The following NXPE1 variants were observed in gnomAD, a reference collection of about 807,000 sequenced individuals.
The protein encoded by NXPE1 is NXPE family member 1.
A neutral mutation model predicts 33.3 loss-of-function variants in NXPE1; 31 were observed. That is an observed-to-expected ratio of 0.93 (90% CI 0.70 to 1.26). NXPE1 has a LOEUF of 1.26. NXPE1 is among the 50% of genes most tolerant of loss of function. NXPE1 has a pLI of 0.00. For missense variants in NXPE1, 661 were observed against 655.6 expected, an observed-to-expected ratio of 1.01 and a Z score of -0.09; for synonymous variants, 229 against 231.4, an observed-to-expected ratio of 0.99 and a Z score of 0.09.
chr11:114,530,006 T>C, intron 6 of NXPE1, 169 bp downstream of exon 6: 1 of 625,300 alleles, frequency 1.6e-6, no homozygotes, highest in Non-Finnish European at 2.7e-6. Flanking sequence ...ATAGTGAAAA[T>C]GCAAACTTTG....
chr11:114,528,465 C>T (rs1239520014), intron 6 of NXPE1, among the ~76,000 whole-genome samples: 2 of 152,164 alleles, frequency 1.3e-5, no homozygotes, highest in South Asian at 2.1e-4. Flanking sequence ...TCCACATTTC[C>T]TGCTATGATT....
chr11:114,525,169 A>G (rs1947331157), intron 7 of NXPE1, among the ~76,000 whole-genome samples: 1 of 151,858 alleles, frequency 6.6e-6, no homozygotes, highest in African/African-American at 2.4e-5. Flanking sequence ...TCTGCTTGTA[A>G]GTCCCTACTA....
chr11:114,541,605 C>CA, intron 5 of NXPE1, among the ~76,000 whole-genome samples: 1 of 152,268 alleles, frequency 6.6e-6, no homozygotes, highest in Middle Eastern at 3.4e-3. Context: ...AGGCATGAAA[C>CA]ATCAATCAAA....
Position 114,528,964 on chromosome 11 carries a change from C to T in NXPE1, c.834-1063G>A, listed in dbSNP as rs949328135. On this transcript the variant is annotated intron_variant, in intron 6 of 8. Coordinates refer to ENST00000534921, the Ensembl canonical transcript of NXPE1. The stretch of plus-strand genomic sequence containing the variant: ...GGGAGGGAACAGAAACTTAACTGTG[C>T]TTTTACTTTTCAGAAGGGAGCCAGG... 1.4e-5 allele frequency: 6 copies of T among 442,876 alleles called. No individual in the cohort carries two copies. In the South Asian group the frequency reaches 3.3e-4, roughly 25 times the overall value. 27.4% of individuals were successfully genotyped at this position (442,876 alleles called of 1,614,324 possible).
Position 114,530,774 on chromosome 11 carries a change from C to A in NXPE1, c.234G>T (p.Glu78Asp), listed in dbSNP as rs541080156. ...TGGGTGGGATCTGCTGATCTAGTTT[C>A]TCTATGATTTCCTTTATTCTGAGTT... is the stretch of plus-strand genomic sequence containing the variant. Residue 78 changes from glutamate to aspartate, a missense_variant, in exon 6 of 9, where the codon GAG becomes GAT. Physicochemically the swap from Glu to Asp is conservative, Grantham distance 45. Coordinates refer to ENST00000534921, the Ensembl canonical transcript of NXPE1. The A allele has an allele frequency of 7.4e-6, 12 of 1,614,174 alleles. No individual in the cohort carries two copies. In the African/African-American group the frequency reaches 1.3e-4, roughly 18 times the overall value.
At chr11:114,542,228 TA>T (rs1306767332) in intron 5 of NXPE1, among the ~76,000 whole-genome samples, 2 of 152,130 alleles carry the variant, frequency 1.3e-5, no homozygotes, top group Non-Finnish European at 2.9e-5. Flanking sequence ...ATTTGTAGAG[TA>T]AAATGTTTAA....
At chr11:114,551,055 A>G in intron 5 of NXPE1, 48 bp downstream of exon 5, 1 of 1,031,348 alleles carries the variant, frequency 9.7e-7, no homozygotes. Context: ...CACGTCACAC[A>G]GGTGAGGGCT....
In NXPE1 at chr11:114,536,701, T is replaced by C. The variant is rs546057523; in HGVS notation, c.100-5793A>G. Among the ~76,000 whole-genome samples, 368 of 152,222 alleles carry C rather than the reference T, an allele frequency of 2.4e-3. 4 individuals carry two copies. The highest frequency in any genetic ancestry group is 0.01 in the Middle Eastern group (3 of 294). ...ATCTAGAAGAAATGGATAAATTCCTTGACACATACACTCTCCCAAGACAAA... is the reference window on the plus strand; with the variant it reads ...ATCTAGAAGAAATGGATAAATTCCTCGACACATACACTCTCCCAAGACAAA... On this transcript the variant is annotated intron_variant, in intron 5 of 8. Transcript: ENST00000534921.
At chr11:114,549,748 A>G (rs1168594850) in intron 5 of NXPE1, among the ~76,000 whole-genome samples, 1 of 152,128 alleles carries the variant, frequency 6.6e-6, no homozygotes, top group Non-Finnish European at 1.5e-5. Flanking sequence ...GAGAAGAGAA[A>G]GCAATTCGAG....
chr11:114,533,720 C>T (rs1044203824), intron 5 of NXPE1, among the ~76,000 whole-genome samples: 61 of 152,304 alleles, frequency 4.0e-4, no homozygotes, highest in African/African-American at 7.5e-4. Context: ...AACTGCAAGG[C>T]GGCAGCAAGA....
intron 5 of NXPE1, among the ~76,000 whole-genome samples, chr11:114,540,767 T>G (rs1351646772): frequency 1.3e-5 from 2 of 149,500 alleles, no homozygotes; most frequent in Non-Finnish European, 1.5e-5. Context: ...GGAGGTAAGT[T>G]TCCTGGTTTT....
exon 9 of NXPE1, chr11:114,521,813 A>T (rs930587033): frequency 5.1e-6 from 3 of 590,354 alleles, no homozygotes; most frequent in Admixed American, 3.2e-5. Flanking sequence ...TGCATCCCTT[A>T]TCAGTTGTCA....
intron 7 of NXPE1, among the ~76,000 whole-genome samples, chr11:114,527,434 C>T (rs1947403289): frequency 6.6e-6 from 1 of 152,098 alleles, no homozygotes; most frequent in South Asian, 2.1e-4. Flanking sequence ...AACATATAAT[C>T]AGATGAAAGC....
At chr11:114,541,517 G>A (rs762622527) in intron 5 of NXPE1, among the ~76,000 whole-genome samples, 10 of 152,198 alleles carry the variant, frequency 6.6e-5, no homozygotes, top group Non-Finnish European at 1.0e-4. Flanking sequence ...ACCACGACAC[G>A]TGACACAGCC....
chr11:114,545,002 G>A (rs1371446942), intron 5 of NXPE1, among the ~76,000 whole-genome samples: 2 of 152,026 alleles, frequency 1.3e-5, no homozygotes, highest in East Asian at 3.8e-4. Context: ...AATTAGAACA[G>A]CAATGAAATA....
At chr11:114,553,387 C>G (rs1403077163) in intron 1 of NXPE1, among the ~76,000 whole-genome samples, 2 of 152,258 alleles carry the variant, frequency 1.3e-5, no homozygotes, top group East Asian at 1.9e-4. Context: ...TCCTGACAAC[C>G]AAGCAGTTCT....
At chr11:114,551,029 TG>T in intron 5 of NXPE1, 73 bp downstream of exon 5, 1 of 751,324 alleles carries the variant, frequency 1.3e-6, no homozygotes, top group South Asian at 1.6e-5. Flanking sequence ...ACTAATGGAG[TG>T]GGACTGACTT....
intron 5 of NXPE1, among the ~76,000 whole-genome samples, chr11:114,536,762 A>G (rs1947842634): frequency 6.6e-6 from 1 of 152,200 alleles, no homozygotes; most frequent in East Asian, 1.9e-4. Context: ...TAGACCAATA[A>G]CAGGCTCTGA....
intron 5 of NXPE1, among the ~76,000 whole-genome samples, chr11:114,535,893 G>A (rs1405709196): frequency 6.6e-6 from 1 of 152,066 alleles, no homozygotes; most frequent in Admixed American, 6.6e-5. Flanking sequence ...AGTTAACAAG[G>A]ATATACAGGA....
Sources: allele counts gnomAD v4.1 joint callset (sites outside exome capture counted in the v4.1 genomes callset), GRCh38; gene constraint gnomAD v4.1.1; transcripts MANE v1.5; gene names NCBI Gene and HGNC (gene_info 2026-07-23, HGNC 2026-07-21).